Variants in SEMA3A observed in about 807,000 individuals in gnomAD.
The protein encoded by SEMA3A is semaphorin-3A.
SEMA3A carries 29 observed loss-of-function variants against 97.9 expected under a neutral mutation model. The observed-to-expected ratio is 0.30, with a 90% CI of 0.22 to 0.40. SEMA3A has a LOEUF of 0.40. Ranked by LOEUF, SEMA3A falls within the 10% of genes least tolerant of loss-of-function variation. The pLI, the probability that SEMA3A is intolerant of heterozygous loss-of-function variation, is 1.00. For missense variants in SEMA3A, 763 were observed against 951.3 expected (o/e 0.80, Z 2.60); for synonymous variants, 321 against 323.7 (o/e 0.99, Z 0.09).
At chr7:84,095,929 AT>A (rs546182025) in intron 4 of SEMA3A, among the ~76,000 whole-genome samples, 59 of 152,132 alleles carry the variant, frequency 3.9e-4, no homozygotes, top group African/African-American at 1.2e-3. Context: ...AAGTAATACT[AT>A]TTTTATAAAA....
intron 12 of SEMA3A, among the ~76,000 whole-genome samples, chr7:84,000,660 A>C (rs1226724138): frequency 6.6e-6 from 1 of 152,094 alleles, no homozygotes; most frequent in African/African-American, 2.4e-5. Flanking sequence ...TGGATTTGTC[A>C]TGTAGCTATG....
rs184421345 is a variant in SEMA3A at position 84,418,198 on chromosome 7, G to T, written c.-245-46298C>A. Among the ~76,000 whole-genome samples, 3 of 152,146 alleles carry T rather than the reference G, an allele frequency of 2.0e-5. No homozygotes were observed. The East Asian group carries it at 5.8e-4, about 29-fold the overall frequency. The stretch of plus-strand genomic sequence containing the variant: ...GGTAATAAAGACATACCCAAGACTG[G>T]GCAATTTATAAAGGAAAGAGGTTTA... On this transcript the variant is annotated intron_variant, in intron 1 of 3. Coordinates refer to the SEMA3A transcript ENST00000424555.
chr7:84,149,069 C>A (rs974398798), intron 1 of SEMA3A, among the ~76,000 whole-genome samples: 8 of 152,182 alleles, frequency 5.3e-5, no homozygotes, highest in Non-Finnish European at 1.0e-4. Flanking sequence ...CAAGAGTTAA[C>A]TGTATATACA....
At chr7:84,212,995 C>T (rs780176492) in intron 3 of SEMA3A, among the ~76,000 whole-genome samples, 13 of 152,084 alleles carry the variant, frequency 8.5e-5, no homozygotes, top group Non-Finnish European at 1.8e-4. Flanking sequence ...CGGAGTTTCA[C>T]TCTTGTTGCC....
chr7:84,177,376 A>G (rs1584087053), intron 1 of SEMA3A, among the ~76,000 whole-genome samples: 2 of 152,014 alleles, frequency 1.3e-5, no homozygotes, highest in African/African-American at 2.4e-5. Flanking sequence ...TAAAGTTATC[A>G]CCTCTGTTCT....
intron 5 of SEMA3A, among the ~76,000 whole-genome samples, chr7:84,055,904 G>T (rs989546751): frequency 3.9e-5 from 6 of 152,104 alleles, no homozygotes; most frequent in African/African-American, 9.7e-5. Context: ...TAAGCCAATT[G>T]TGAAAGAAAT....
At chr7:84,221,896 T>C (rs1421655457) in intron 3 of SEMA3A, among the ~76,000 whole-genome samples, 1 of 151,986 alleles carries the variant, frequency 6.6e-6, no homozygotes, top group Admixed American at 6.6e-5. Context: ...AAAAGCGGCA[T>C]CTATAGACTT....
intron 9 of SEMA3A, among the ~76,000 whole-genome samples, chr7:84,010,286 C>T (rs867197766): frequency 2.0e-5 from 3 of 152,128 alleles, no homozygotes; most frequent in South Asian, 2.1e-4. Flanking sequence ...GGTTGAGAAG[C>T]GATGATTGTA....
intron 6 of SEMA3A, among the ~76,000 whole-genome samples, chr7:84,035,000 C>G (rs1791891255): frequency 6.6e-6 from 1 of 152,040 alleles, no homozygotes; most frequent in Non-Finnish European, 1.5e-5. Context: ...AGTGGAACTA[C>G]TATTTTCTAC....
intron 3 of SEMA3A, among the ~76,000 whole-genome samples, chr7:84,236,382 C>T (rs1343465561): frequency 6.6e-6 from 1 of 152,096 alleles, no homozygotes; most frequent in Admixed American, 6.6e-5. Flanking sequence ...TCCAATATAA[C>T]CTCCTAACAG....
At chr7:84,423,758 A>G (rs962441153) in intron 1 of SEMA3A, among the ~76,000 whole-genome samples, 3 of 152,006 alleles carry the variant, frequency 2.0e-5, no homozygotes, top group Admixed American at 6.6e-5. Flanking sequence ...TATACATCCA[A>G]CGAAGGAATA....
chr7:84,429,815 T>A (rs1804933584), intron 1 of SEMA3A, among the ~76,000 whole-genome samples: 1 of 151,524 alleles, frequency 6.6e-6, no homozygotes, highest in Non-Finnish European at 1.5e-5. Flanking sequence ...TAGTTTTATT[T>A]ACTGTAAGGA....
intron 1 of SEMA3A, among the ~76,000 whole-genome samples, chr7:84,179,239 A>G (rs1797662810): frequency 2.0e-5 from 3 of 152,206 alleles, no homozygotes; most frequent in Admixed American, 1.3e-4. Context: ...AAGAACGATC[A>G]AAGATTACAC....
At chr7:84,041,410 C>T (rs1792129635) in intron 6 of SEMA3A, among the ~76,000 whole-genome samples, 1 of 151,930 alleles carries the variant, frequency 6.6e-6, no homozygotes, top group Non-Finnish European at 1.5e-5. Context: ...TTTATAATGG[C>T]TGTGCATTAT....
At chr7:84,469,888 T>A (rs149417619) in intron 1 of SEMA3A, among the ~76,000 whole-genome samples, 2,366 of 152,068 alleles carry the variant, frequency 0.016, 67 homozygotes, top group African/African-American at 0.053. Context: ...ATGTTGATAG[T>A]TGGTTCTATT....
At chr7:84,447,209 C>T (rs1034955287) in intron 1 of SEMA3A, among the ~76,000 whole-genome samples, 4 of 152,102 alleles carry the variant, frequency 2.6e-5, no homozygotes, top group South Asian at 2.1e-4. Context: ...GTATGGGAGG[C>T]GCGACCAATG....
Position 83,957,318 on chromosome 7 carries a change from C to A in SEMA3A, c.*4053G>T, listed in dbSNP as rs1788310474. The A allele has an allele frequency of 6.6e-6, 1 of 152,084 alleles. No homozygotes were observed. Among genetic ancestry groups the A allele is most frequent in the Admixed American group, 6.6e-5 (1 of 15,254 alleles). The allele number at this position is 152,084 out of a possible 1,614,324, so 9.4% of individuals were successfully genotyped here. A position where few individuals can be genotyped will look rare whatever the true frequency, so the allele number is the denominator to read the frequency against. ...TTGAGAACAAGGGTTATGTCTTATT[C>A]ACTTTAGTGTCCTCATCACCTAACA... On this transcript the variant is annotated 3_prime_UTR_variant, in exon 17 of 17. Coordinates refer to ENST00000265362, the MANE Select transcript of SEMA3A (RefSeq NM_006080.3).
At chr7:84,400,824 C>T (rs1005016349) in intron 1 of SEMA3A, among the ~76,000 whole-genome samples, 1 of 152,110 alleles carries the variant, frequency 6.6e-6, no homozygotes, top group Non-Finnish European at 1.5e-5. Flanking sequence ...ATTCAACATC[C>T]TTTCATGACC....
chr7:84,310,024 G>A (rs1196486416), intron 2 of SEMA3A, among the ~76,000 whole-genome samples: 1 of 152,098 alleles, frequency 6.6e-6, no homozygotes, highest in Non-Finnish European at 1.5e-5. Flanking sequence ...AAAGTGCATT[G>A]ATCAAATCAA....
Sources: allele counts gnomAD v4.1 joint callset (sites outside exome capture counted in the v4.1 genomes callset), GRCh38; gene constraint gnomAD v4.1.1; transcripts MANE v1.5; gene names NCBI Gene and HGNC (gene_info 2026-07-23, HGNC 2026-07-21).